Variants in SNTG1 observed in about 807,000 individuals in gnomAD.
SNTG1 encodes the protein syntrophin gamma 1.
A neutral mutation model predicts 74.7 loss-of-function variants in SNTG1; 39 were observed. That is an observed-to-expected ratio of 0.52 (90% CI 0.40 to 0.68). The LOEUF (loss-of-function observed/expected upper bound fraction) is 0.68, where lower values mean the gene tolerates loss of function less well. Among genes scored for constraint, SNTG1 ranks in the 30% least tolerant of loss-of-function variants. SNTG1 has a pLI of 0.00. For synonymous variants in SNTG1, 254 were observed against 217.1 expected, an observed-to-expected ratio of 1.17 and a Z score of -1.49; for missense variants, 685 against 609.5, an observed-to-expected ratio of 1.12 and a Z score of -1.30.
chr8:50,194,459 GT>G (rs2083691131), intron 2 of SNTG1, among the ~76,000 whole-genome samples: 1 of 152,024 alleles, frequency 6.6e-6, no homozygotes, highest in Admixed American at 6.6e-5. Context: ...GTGTGTATAG[GT>G]GTTCATAGTA....
At chr8:49,977,458 C>A (rs1812298661) in intron 1 of SNTG1, among the ~76,000 whole-genome samples, 3 of 152,096 alleles carry the variant, frequency 2.0e-5, no homozygotes, top group Admixed American at 2.0e-4. Context: ...TGAAACCCAG[C>A]CCAGTGCTCT....
chr8:50,399,033 A>C (rs928873261), intron 3 of SNTG1, among the ~76,000 whole-genome samples: 4 of 152,214 alleles, frequency 2.6e-5, no homozygotes, highest in Non-Finnish European at 5.9e-5. Context: ...GCTGCACAGT[A>C]TTTGCAAAAT....
At chr8:50,268,219 G>T (rs1278360113) in intron 2 of SNTG1, among the ~76,000 whole-genome samples, 4 of 152,110 alleles carry the variant, frequency 2.6e-5, no homozygotes, top group Non-Finnish European at 5.9e-5. Flanking sequence ...AGATCTGTAT[G>T]CTAGAAGTCA....
chr8:50,234,486 A>G (rs527422186), intron 2 of SNTG1, among the ~76,000 whole-genome samples: 2 of 152,082 alleles, frequency 1.3e-5, no homozygotes, highest in Admixed American at 6.5e-5. Flanking sequence ...GAATCTAAAC[A>G]TGCAATAAAA....
intron 2 of SNTG1, among the ~76,000 whole-genome samples, chr8:50,332,779 G>A (rs1439664202): frequency 6.6e-6 from 1 of 152,190 alleles, no homozygotes; most frequent in Non-Finnish European, 1.5e-5. Context: ...GGAGTGCAAG[G>A]AAGTGAGCAT....
intron 1 of SNTG1, among the ~76,000 whole-genome samples, chr8:50,132,320 T>G (rs1212956421): frequency 6.6e-6 from 1 of 152,090 alleles, no homozygotes; most frequent in Admixed American, 6.6e-5. Context: ...TATCTATATA[T>G]CATCAAATTG....
At chr8:49,938,597 C>CTTTT (rs755805948) in intron 1 of SNTG1, among the ~76,000 whole-genome samples, 11,799 of 32,102 alleles carry the variant, frequency 0.37, 1,073 homozygotes, top group South Asian at 0.46. Context: ...CTTTTCTTTT[C>CTTTT]TTTTCTTTTC....
rs1306808940 is a variant in SNTG1, at chr8:49,967,174, G to GA, written c.-103+54949dup. ...CAGTTGTGATTTTTATTTCACAAATGAAAAAACAGATGTACAGTATAGGTT... is the reference window on the plus strand; with the variant it reads ...CAGTTGTGATTTTTATTTCACAAATGAAAAAAACAGATGTACAGTATAGGTT... On this transcript the variant is annotated intron_variant, in intron 1 of 18. Coordinates refer to ENST00000642720, the MANE Select transcript of SNTG1 (RefSeq NM_018967.5). Among the ~76,000 whole-genome samples the GA allele has an allele frequency of 2.0e-5, 3 of 152,064 alleles. No individual in the cohort carries two copies. In the East Asian group the frequency reaches 5.8e-4, roughly 29 times the overall value.
Position 50,530,197 on chromosome 8 carries a change from A to C in SNTG1, c.487A>C (p.Ser163Arg), listed in dbSNP as rs374729926. Reference protein sequence around the residue: ...DCACAPSDQSSGTSSPLCDSG... With the variant: ...DCACAPSDQSRGTSSPLCDSG... ...TGCAGGTGCTCCAAGTGACCAGAGC[A>C]GTGGCACCTCCTCTCCTCTCTGTGA... Residue 163 changes from serine (S) to arginine (R), a missense_variant, in exon 10 of 19, where the codon AGT (serine) becomes CGT (arginine). Coordinates refer to ENST00000642720, the MANE Select transcript of SNTG1 (RefSeq NM_018967.5). The C allele has an allele frequency of 6.2e-7, 1 of 1,613,794 alleles. No homozygotes were observed. The highest frequency in any genetic ancestry group is 8.5e-7 in the Non-Finnish European group (1 of 1,179,760).
chr8:49,988,356 A>G (rs138942656), intron 1 of SNTG1, among the ~76,000 whole-genome samples: 1,541 of 152,314 alleles, frequency 0.01, 20 homozygotes, highest in East Asian at 0.047. Context: ...AAGACTTCAA[A>G]GCAGCTATTA....
At chr8:50,308,123 TC>T (rs1274700487) in intron 2 of SNTG1, among the ~76,000 whole-genome samples, 1 of 151,678 alleles carries the variant, frequency 6.6e-6, no homozygotes, top group African/African-American at 2.4e-5. Flanking sequence ...TTTATCGTTG[TC>T]CTGCAAGGAA....
intron 2 of SNTG1, among the ~76,000 whole-genome samples, chr8:50,317,483 A>C (rs2090357184): frequency 1.3e-5 from 2 of 152,228 alleles, no homozygotes; most frequent in Non-Finnish European, 2.9e-5. Flanking sequence ...AGTAATGCAC[A>C]TGCCTATCCT....
At chr8:49,972,353 A>G (rs1490293544) in intron 1 of SNTG1, among the ~76,000 whole-genome samples, 1 of 152,224 alleles carries the variant, frequency 6.6e-6, no homozygotes, top group African/African-American at 2.4e-5. Flanking sequence ...TACATCTTAT[A>G]CAAAAATTAA....
intron 2 of SNTG1, among the ~76,000 whole-genome samples, chr8:50,267,044 A>G (rs2087519659): frequency 6.6e-6 from 1 of 151,992 alleles, no homozygotes; most frequent in African/African-American, 2.4e-5. Context: ...TATCCTTAGG[A>G]CATACTTTAA....
intron 1 of SNTG1, among the ~76,000 whole-genome samples, chr8:50,058,168 G>C (rs1820183344): frequency 1.3e-5 from 2 of 152,060 alleles, no homozygotes. Context: ...CTGAGAGGTT[G>C]GGGGGTTACC....
chr8:50,346,169 A>C (rs1301213055), intron 2 of SNTG1, among the ~76,000 whole-genome samples: 3 of 152,228 alleles, frequency 2.0e-5, no homozygotes, highest in Non-Finnish European at 4.4e-5. Flanking sequence ...CCTTATTTAT[A>C]AATCAAAGGT....
chr8:50,524,530 T>A (rs1220674101), intron 9 of SNTG1, among the ~76,000 whole-genome samples: 2 of 152,160 alleles, frequency 1.3e-5, no homozygotes, highest in African/African-American at 4.8e-5. Context: ...AAATACAACT[T>A]GTTATATTTT....
chr8:50,017,186 T>A (rs1321066493), intron 1 of SNTG1, among the ~76,000 whole-genome samples: 2 of 152,120 alleles, frequency 1.3e-5, no homozygotes, highest in Non-Finnish European at 2.9e-5. Flanking sequence ...AATATCTTTC[T>A]GTTTGTTACT....
chr8:50,209,711 C>G (rs570821712), intron 2 of SNTG1, among the ~76,000 whole-genome samples: 6 of 152,244 alleles, frequency 3.9e-5, no homozygotes, highest in Non-Finnish European at 8.8e-5. Flanking sequence ...ACACCAAAAC[C>G]CCATCTGTAC....
Sources: allele counts gnomAD v4.1 joint callset (sites outside exome capture counted in the v4.1 genomes callset), GRCh38; gene constraint gnomAD v4.1.1; transcripts MANE v1.5; gene names NCBI Gene and HGNC (gene_info 2026-07-23, HGNC 2026-07-21).